SGCZ: variants seen among roughly 807,000 people sequenced by gnomAD.
SGCZ encodes the protein sarcoglycan zeta, also known as zeta-sarcoglycan.
SGCZ carries 40 observed loss-of-function variants against 41.3 expected under a neutral mutation model. That is an observed-to-expected ratio of 0.97 (90% CI 0.75 to 1.26). The LOEUF (loss-of-function observed/expected upper bound fraction) is 1.26. Among genes scored for constraint, SGCZ ranks in the 50% most tolerant of loss-of-function variants. SGCZ has a pLI of 0.00. For synonymous variants in SGCZ, 206 were observed against 137.5 expected (o/e 1.50, Z -3.49); for missense variants, 552 against 369.8 (o/e 1.49, Z -4.04).
At chr8:14,736,109 C>T (rs1288415878) in intron 1 of SGCZ, among the ~76,000 whole-genome samples, 1 of 152,090 alleles carries the variant, frequency 6.6e-6, no homozygotes, top group Non-Finnish European at 1.5e-5. Context: ...ATACTTGGTG[C>T]TTTTGGTAAA....
intron 1 of SGCZ, among the ~76,000 whole-genome samples, chr8:15,207,156 C>A (rs747700224): frequency 6.6e-6 from 1 of 152,030 alleles, no homozygotes; most frequent in African/African-American, 2.4e-5. Flanking sequence ...ACAGAGTAAG[C>A]GAGATTTAAG....
chr8:14,642,204 G>A (rs888773512), intron 1 of SGCZ, among the ~76,000 whole-genome samples: 6 of 151,602 alleles, frequency 4.0e-5, no homozygotes, highest in African/African-American at 1.5e-4. Flanking sequence ...TTTAGGATGG[G>A]AAGAAATTGG....
chr8:14,211,250 G>A (rs1005045340), intron 4 of SGCZ, among the ~76,000 whole-genome samples: 3 of 152,060 alleles, frequency 2.0e-5, no homozygotes, highest in African/African-American at 4.8e-5. Context: ...GTGCTCCTGG[G>A]CTGTGCAGTC....
chr8:15,169,004 C>A (rs146356000), intron 1 of SGCZ, among the ~76,000 whole-genome samples: 1 of 152,148 alleles, frequency 6.6e-6, no homozygotes, highest in East Asian at 1.9e-4. Flanking sequence ...TGTCTTTACC[C>A]CTTGCCTTGT....
intron 1 of SGCZ, among the ~76,000 whole-genome samples, chr8:15,142,027 C>A (rs1374928873): frequency 6.6e-6 from 1 of 152,126 alleles, no homozygotes; most frequent in Non-Finnish European, 1.5e-5. Flanking sequence ...ATTGGAAAGA[C>A]CGAGTAGGAA....
chr8:14,257,671 C>T (rs1282851427), intron 3 of SGCZ, among the ~76,000 whole-genome samples: 1 of 148,794 alleles, frequency 6.7e-6, no homozygotes, highest in Non-Finnish European at 1.5e-5. Flanking sequence ...TGTGATGTTC[C>T]CCTTCCTGTG....
At chr8:14,818,129 G>A (rs537743014) in intron 1 of SGCZ, among the ~76,000 whole-genome samples, 2 of 152,178 alleles carry the variant, frequency 1.3e-5, no homozygotes, top group African/African-American at 4.8e-5. Context: ...CCAACTCCCT[G>A]GAGAGACAGC....
chr8:14,451,568 G>C (rs764732155), intron 2 of SGCZ, among the ~76,000 whole-genome samples: 7 of 152,134 alleles, frequency 4.6e-5, no homozygotes, highest in Non-Finnish European at 1.0e-4. Context: ...CACAAACTGG[G>C]AGAAAGTATT....
chr8:14,575,913 CAAAAA>C lies in SGCZ; in HGVS notation c.40-20992_40-20988del, dbSNP rs66656586. ...AGAGTGAGACCCTGTCTCAAAATAA[CAAAAA>C]AAAAAAAAAAAAAAAAAGAAAGAAA... On this transcript the variant is annotated intron_variant, in intron 1 of 7. Coordinates refer to ENST00000382080, the MANE Select transcript of SGCZ (RefSeq NM_139167.4). Among the ~76,000 whole-genome samples, 308 of 100,026 alleles carry C rather than the reference CAAAAA, an allele frequency of 3.1e-3. 3 individuals carry two copies. The highest frequency in any genetic ancestry group is 0.012 in the African/African-American group (294 of 24,322). The allele number at this position is 100,026 out of a possible 152,430, so 65.6% of individuals were successfully genotyped here.
chr8:14,976,104 C>A (rs1015536598), intron 1 of SGCZ, among the ~76,000 whole-genome samples: 4 of 150,958 alleles, frequency 2.6e-5, no homozygotes, highest in Non-Finnish European at 4.4e-5. Flanking sequence ...CTCACTGTAA[C>A]CTCTGCCTCC....
At chr8:14,640,567 A>T (rs1806987142) in intron 1 of SGCZ, among the ~76,000 whole-genome samples, 1 of 151,726 alleles carries the variant, frequency 6.6e-6, no homozygotes, top group Non-Finnish European at 1.5e-5. Flanking sequence ...TAATTGATAT[A>T]TAACATGCAA....
intron 1 of SGCZ, among the ~76,000 whole-genome samples, chr8:15,035,047 A>G (rs1220307686): frequency 6.6e-6 from 1 of 152,146 alleles, no homozygotes; most frequent in Non-Finnish European, 1.5e-5. Context: ...TACATAGTCA[A>G]ATTCAGAAAA....
intron 1 of SGCZ, among the ~76,000 whole-genome samples, chr8:15,019,663 T>G (rs893713902): frequency 6.6e-6 from 1 of 151,718 alleles, no homozygotes; most frequent in Non-Finnish European, 1.5e-5. Flanking sequence ...CAGCTCACTC[T>G]GAGAGCAGTG....
chr8:14,672,430 G>A (rs1333372874), intron 1 of SGCZ, among the ~76,000 whole-genome samples: 1 of 152,062 alleles, frequency 6.6e-6, no homozygotes, highest in Non-Finnish European at 1.5e-5. Context: ...CAAGCTGGTG[G>A]TTGTTTTTTA....
At chr8:15,196,419 G>C (rs899543197) in intron 1 of SGCZ, among the ~76,000 whole-genome samples, 2 of 152,092 alleles carry the variant, frequency 1.3e-5, no homozygotes, top group Non-Finnish European at 2.9e-5. Flanking sequence ...GTAAGCTTAG[G>C]AATCATGCAT....
chr8:14,717,881 G>A lies in SGCZ; in HGVS notation c.40-162955C>T, dbSNP rs1304949809. On this transcript the variant is annotated intron_variant, in intron 1 of 7. Coordinates refer to ENST00000382080, the MANE Select transcript of SGCZ (RefSeq NM_139167.4). ...TTCTCCTATAACTGTGATTTTCCAAGGTTATTTTGTGGACATAAAATCTGC... is the reference window on the plus strand; with the variant it reads ...TTCTCCTATAACTGTGATTTTCCAAAGTTATTTTGTGGACATAAAATCTGC... Among the ~76,000 whole-genome samples the A allele has an allele frequency of 2.0e-5, 3 of 151,684 alleles. No homozygotes were observed. In the East Asian group the frequency reaches 5.8e-4, roughly 29 times the overall value.
At chr8:15,025,495 G>A (rs1461212785) in intron 1 of SGCZ, among the ~76,000 whole-genome samples, 1 of 152,202 alleles carries the variant, frequency 6.6e-6, no homozygotes, top group Non-Finnish European at 1.5e-5. Flanking sequence ...CTGTAAAGGT[G>A]ATAAAAGAGA....
chr8:14,496,124 G>A (rs1585593580), intron 2 of SGCZ, among the ~76,000 whole-genome samples: 1 of 98,326 alleles, frequency 1.0e-5, no homozygotes, highest in African/African-American at 3.7e-5. Context: ...ATAGTGCAGT[G>A]GCGTGATCAT....
At chr8:14,720,205 T>C (rs904473080) in intron 1 of SGCZ, among the ~76,000 whole-genome samples, 1 of 152,030 alleles carries the variant, frequency 6.6e-6, no homozygotes, top group Admixed American at 6.6e-5. Context: ...TATTTTATAC[T>C]ACTTACATGC....
Sources: allele counts gnomAD v4.1 joint callset (sites outside exome capture counted in the v4.1 genomes callset), GRCh38; gene constraint gnomAD v4.1.1; transcripts MANE v1.5; gene names NCBI Gene and HGNC (gene_info 2026-07-23, HGNC 2026-07-21).